SLC7A14: variants seen among roughly 807,000 people sequenced by gnomAD.
SLC7A14 encodes the protein solute carrier family 7 member 14.
SLC7A14 carries 37 observed loss-of-function variants against 60.2 expected under a neutral mutation model. That is an observed-to-expected ratio of 0.61 (90% CI 0.47 to 0.81). The LOEUF is 0.81. SLC7A14 is among the 30% of genes least tolerant of loss of function. The pLI is 0.00. For synonymous variants in SLC7A14, 399 were observed against 395.8 expected (o/e 1.01, Z -0.10); for missense variants, 886 against 982.7 (o/e 0.90, Z 1.32).
At chr3:170,550,552 G>A (rs891125859) in intron 1 of SLC7A14, among the ~76,000 whole-genome samples, 5 of 84,568 alleles carry the variant, frequency 5.9e-5, no homozygotes, top group African/African-American at 3.2e-4. Flanking sequence ...ACAGAGTTTC[G>A]CTTTTGTCGC....
At chr3:170,548,893 A>G (rs1381844965) in intron 1 of SLC7A14, among the ~76,000 whole-genome samples, 4 of 152,152 alleles carry the variant, frequency 2.6e-5, no homozygotes, top group African/African-American at 2.4e-5. Flanking sequence ...TAATTGTGTC[A>G]TTATTCATTA....
chr3:170,490,214 A>G (rs1712172548), intron 4 of SLC7A14, among the ~76,000 whole-genome samples: 1 of 152,202 alleles, frequency 6.6e-6, no homozygotes, highest in South Asian at 2.1e-4. Context: ...CCATAAATAT[A>G]TACACGTACT....
intron 4 of SLC7A14, among the ~76,000 whole-genome samples, chr3:170,487,374 G>A (rs895527640): frequency 4.6e-5 from 7 of 151,584 alleles, no homozygotes; most frequent in South Asian, 4.2e-4. Context: ...GCTTAGGGAC[G>A]TCCTTTTAGA....
chr3:170,546,873 T>C (rs1228542299), intron 1 of SLC7A14, among the ~76,000 whole-genome samples: 2 of 152,242 alleles, frequency 1.3e-5, no homozygotes, highest in Admixed American at 6.5e-5. Flanking sequence ...AGGTAGATGA[T>C]GGACAGGTCT....
chr3:170,536,679 G>T (rs1209163122), intron 1 of SLC7A14, among the ~76,000 whole-genome samples: 1 of 152,212 alleles, frequency 6.6e-6, no homozygotes, highest in African/African-American at 2.4e-5. Context: ...GGTGAGACTT[G>T]AGTAAGCCAC....
Position 170,480,533 on chromosome 3 carries a change from G to C in SLC7A14, c.1749C>G (p.Ile583Met). ...CTGAGATGTAGTCAGAACCAAAGAT[G>C]ATGAAGGAGCAGAAGATGAACATGA... ...FILMFIFCSF[I>M]IFGSDYISEQ... The change falls in exon 7 of 8, where the codon ATC becomes ATG. Residue 583 changes from isoleucine to methionine, a missense_variant. Physicochemically the swap from Ile to Met is conservative, Grantham distance 10. Coordinates refer to ENST00000231706, the MANE Select transcript of SLC7A14 (RefSeq NM_020949.3). 1.2e-6 allele frequency: 2 copies of C among 1,614,228 alleles called. No homozygotes were observed.
intron 2 of SLC7A14, among the ~76,000 whole-genome samples, chr3:170,519,550 G>C (rs911544616): frequency 2.0e-5 from 3 of 152,204 alleles, no homozygotes; most frequent in Non-Finnish European, 4.4e-5. Flanking sequence ...GTCAAGGCGG[G>C]CAGATCACCT....
intron 1 of SLC7A14, among the ~76,000 whole-genome samples, chr3:170,565,527 A>T (rs1714766258): frequency 6.6e-6 from 1 of 152,176 alleles, no homozygotes; most frequent in Non-Finnish European, 1.5e-5. Context: ...TTTTCCTAGG[A>T]AAAAGGGGTG....
At position 170,510,405 on chromosome 3, in the gene SLC7A14, TA is replaced by T. The variant is rs201671613; in HGVS notation, c.305-9061del. Reference sequence around the variant, plus strand: ...ACTCTGTCAAAAAAAAAAAAATAAATAAATAAATAAATAAATAAAGAATGTA... The same window carrying T: ...ACTCTGTCAAAAAAAAAAAAATAAATAATAAATAAATAAATAAAGAATGTA... On this transcript the variant is annotated intron_variant, in intron 2 of 7. Transcript: ENST00000231706. Among the ~76,000 whole-genome samples, 121 of 129,818 alleles carry T rather than the reference TA, an allele frequency of 9.3e-4. 2 individuals are homozygous for T. Among genetic ancestry groups the T allele is most frequent in the Admixed American group, 3.4e-3 (40 of 11,654 alleles). The allele number at this position is 129,818 out of a possible 152,430, so 85.2% of individuals were successfully genotyped here. A position where few individuals can be genotyped will look rare whatever the true frequency, so the allele number is the denominator to read the frequency against.
chr3:170,521,499 CAG>C (rs928748110), intron 2 of SLC7A14, among the ~76,000 whole-genome samples: 11 of 152,056 alleles, frequency 7.2e-5, no homozygotes, highest in Admixed American at 2.0e-4. Context: ...AAGAGATAAA[CAG>C]AAATTGAAAG....
chr3:170,496,517 G>C (rs1170880214), intron 4 of SLC7A14: 2 of 1,533,440 alleles, frequency 1.3e-6, no homozygotes, highest in Admixed American at 1.7e-5. Context: ...CCCTGCAGCG[G>C]GCCAAGCAGG....
At chr3:170,502,100 G>A (rs562891714) in intron 2 of SLC7A14, among the ~76,000 whole-genome samples, 1 of 152,294 alleles carries the variant, frequency 6.6e-6, no homozygotes, top group South Asian at 2.1e-4. Context: ...GGCATATGTA[G>A]GGATTAATTG....
intron 3 of SLC7A14, among the ~76,000 whole-genome samples, chr3:170,499,587 C>G (rs914986705): frequency 2.6e-5 from 4 of 152,128 alleles, no homozygotes; most frequent in Non-Finnish European, 5.9e-5. Context: ...AAATTTCCAT[C>G]CCATTCCCAA....
chr3:170,480,625 T>A lies in SLC7A14; in HGVS notation c.1657A>T (p.Lys553Ter). 1 of 1,614,272 alleles carries A rather than the reference T, an allele frequency of 6.2e-7. No homozygotes were observed. The highest frequency in any genetic ancestry group is 8.5e-7 in the Non-Finnish European group (1 of 1,180,044). The change falls in exon 7 of 8, where the codon AAA becomes TAA. Residue 553 changes from lysine (K) to a stop codon, truncating the protein, a stop_gained. Coordinates refer to ENST00000231706, the MANE Select transcript of SLC7A14 (RefSeq NM_020949.3). LOFTEE classifies it high-confidence loss of function. The stretch of plus-strand genomic sequence containing the variant: ...GTCGCTGCTGTGGGCCGGTCCATTT[T>A]GCCTGGAAGGCCCAGCCGGATTCTC... ...TMRIRLGLPGKMDRPTAATGH... is the reference protein window; with the variant it reads ...TMRIRLGLPG
chr3:170,490,890 G>A (rs1309134865), intron 4 of SLC7A14, among the ~76,000 whole-genome samples: 1 of 152,180 alleles, frequency 6.6e-6, no homozygotes, highest in African/African-American at 2.4e-5. Context: ...CTATAATACA[G>A]TAGGTGCTCA....
intron 1 of SLC7A14, among the ~76,000 whole-genome samples, chr3:170,558,792 A>G (rs1299494702): frequency 6.6e-6 from 1 of 152,212 alleles, no homozygotes; most frequent in East Asian, 1.9e-4. Context: ...GATTTCAATG[A>G]CTGGACTCTT....
At chr3:170,541,939 C>G (rs1488641351) in intron 1 of SLC7A14, among the ~76,000 whole-genome samples, 1 of 152,206 alleles carries the variant, frequency 6.6e-6, no homozygotes, top group Admixed American at 6.5e-5. Context: ...TGCTCCTGTT[C>G]CTGATCATGC....
chr3:170,485,814 T>C (rs1166330771), intron 5 of SLC7A14, among the ~76,000 whole-genome samples: 1 of 152,174 alleles, frequency 6.6e-6, no homozygotes, highest in Non-Finnish European at 1.5e-5. Flanking sequence ...CTCGCCTCTT[T>C]GCTGCCGGGA....
At chr3:170,564,153 A>G (rs900850231) in intron 1 of SLC7A14, among the ~76,000 whole-genome samples, 14 of 152,210 alleles carry the variant, frequency 9.2e-5, no homozygotes, top group Non-Finnish European at 1.9e-4. Flanking sequence ...TGGCGGGGTA[A>G]TAAACAGCAG....
Sources: allele counts gnomAD v4.1 joint callset (sites outside exome capture counted in the v4.1 genomes callset), GRCh38; gene constraint gnomAD v4.1.1; transcripts MANE v1.5; gene names NCBI Gene and HGNC (gene_info 2026-07-23, HGNC 2026-07-21).